The following RABGAP1L variants were observed in gnomAD, a reference collection of about 807,000 sequenced individuals.
RABGAP1L encodes the protein RAB GTPase activating protein 1 like.
In RABGAP1L, 63 loss-of-function variants were observed where a neutral mutation model predicts 137.7. That is an observed-to-expected ratio of 0.46 (90% CI 0.37 to 0.56). RABGAP1L has a LOEUF of 0.56. Among genes scored for constraint, RABGAP1L ranks in the 20% least tolerant of loss-of-function variants. RABGAP1L has a pLI of 0.00. For missense variants in RABGAP1L, 1,095 were observed against 1,244.0 expected (o/e 0.88, Z 1.80); for synonymous variants, 431 against 433.7 (o/e 0.99, Z 0.08).
At chr1:174,906,931 T>C (rs1558217257) in intron 19 of RABGAP1L, among the ~76,000 whole-genome samples, 1 of 151,888 alleles carries the variant, frequency 6.6e-6, no homozygotes, top group Non-Finnish European at 1.5e-5. Flanking sequence ...AAGAATACTG[T>C]ACCCAGAAAA....
intron 13 of RABGAP1L, among the ~76,000 whole-genome samples, chr1:174,541,789 GTT>G (rs1198296380): frequency 1.3e-5 from 2 of 151,758 alleles, no homozygotes; most frequent in Admixed American, 1.3e-4. Flanking sequence ...AAAAAAAAAA[GTT>G]TTTAGCGTGA....
intron 10 of RABGAP1L, among the ~76,000 whole-genome samples, chr1:174,303,079 G>A (rs1020054569): frequency 6.6e-6 from 1 of 151,336 alleles, no homozygotes; most frequent in Non-Finnish European, 1.5e-5. Context: ...TAGCATTGGC[G>A]TTCTTTAGTG....
At chr1:174,293,086 A>G (rs1468275956) in intron 10 of RABGAP1L, among the ~76,000 whole-genome samples, 2 of 150,944 alleles carry the variant, frequency 1.3e-5, no homozygotes, top group Non-Finnish European at 2.9e-5. Flanking sequence ...GTGGAAAATT[A>G]TGATAATCTA....
At chr1:174,539,122 A>T (rs530200757) in intron 13 of RABGAP1L, among the ~76,000 whole-genome samples, 1 of 152,214 alleles carries the variant, frequency 6.6e-6, no homozygotes, top group Non-Finnish European at 1.5e-5. Context: ...AGAATAAATT[A>T]CCTAATACTG....
intron 14 of RABGAP1L, among the ~76,000 whole-genome samples, chr1:174,658,639 A>G (rs1239176600): frequency 1.3e-5 from 2 of 152,026 alleles, no homozygotes; most frequent in Non-Finnish European, 2.9e-5. Context: ...CTTGTCATAC[A>G]TTGATTCTCC....
At chr1:174,446,946 T>C (rs768283013) in intron 13 of RABGAP1L, among the ~76,000 whole-genome samples, 8 of 152,196 alleles carry the variant, frequency 5.3e-5, no homozygotes, top group Non-Finnish European at 1.0e-4. Context: ...TCGGAGTATA[T>C]TGGAAAGTTT....
At position 174,293,718 on chromosome 1, in the gene RABGAP1L, G is replaced by A. The variant is rs528745730; in HGVS notation, c.1324-11268G>A. Among the ~76,000 whole-genome samples the A allele has an allele frequency of 1.1e-3, 170 of 152,108 alleles. 1 individual carries two copies. The highest frequency in any genetic ancestry group is 2.0e-3 in the Non-Finnish European group (139 of 67,970). On this transcript the variant is annotated intron_variant, in intron 10 of 25. Transcript: ENST00000681986. ...CACTTACAATTTCACTGAGATGCCG[G>A]TATTCATTTTAGAAATGATTTTCAA...
intron 10 of RABGAP1L, among the ~76,000 whole-genome samples, chr1:174,300,258 G>A (rs1677542687): frequency 6.6e-6 from 1 of 152,288 alleles, no homozygotes; most frequent in Middle Eastern, 3.4e-3. Context: ...GGGAGTGGTG[G>A]CTCATGCCTG....
At chr1:174,891,775 G>A (rs957484580) in intron 19 of RABGAP1L, among the ~76,000 whole-genome samples, 1 of 152,136 alleles carries the variant, frequency 6.6e-6, no homozygotes, top group African/African-American at 2.4e-5. Context: ...AAAGTGCTGG[G>A]ATTATAGGTG....
intron 13 of RABGAP1L, among the ~76,000 whole-genome samples, chr1:174,620,826 A>G (rs1273712866): frequency 3.3e-5 from 5 of 152,210 alleles, no homozygotes; most frequent in Non-Finnish European, 5.9e-5. Flanking sequence ...AAACCCTTCA[A>G]AAAATCAATG....
At chr1:174,560,991 T>C (rs1318376826) in intron 13 of RABGAP1L, among the ~76,000 whole-genome samples, 1 of 152,200 alleles carries the variant, frequency 6.6e-6, no homozygotes, top group Non-Finnish European at 1.5e-5. Context: ...GAGTTACTTA[T>C]GTGTGTAAAT....
intron 19 of RABGAP1L, among the ~76,000 whole-genome samples, chr1:174,933,866 A>G (rs1218894163): frequency 6.6e-6 from 1 of 152,146 alleles, no homozygotes; most frequent in South Asian, 2.1e-4. Flanking sequence ...GTCCTCCCAT[A>G]TGGATCAAGA....
At chr1:174,773,183 T>TGTGTGTGTGTGTGTGTG (rs1558063939) in intron 18 of RABGAP1L, among the ~76,000 whole-genome samples, 6 of 145,664 alleles carry the variant, frequency 4.1e-5, no homozygotes, top group Non-Finnish European at 3.1e-5. Flanking sequence ...TGTGTGTGTG[T>TGTGTGTGTGTGTGTGTG]TTATTTTAAA....
chr1:174,947,197 G>A (rs946919177), intron 19 of RABGAP1L, among the ~76,000 whole-genome samples: 16 of 142,640 alleles, frequency 1.1e-4, no homozygotes, highest in African/African-American at 3.9e-4. Flanking sequence ...AAATGCAAGC[G>A]TGTTTAATTT....
chr1:174,346,459 T>C (rs1391604985), intron 11 of RABGAP1L, among the ~76,000 whole-genome samples: 2 of 152,188 alleles, frequency 1.3e-5, no homozygotes, highest in African/African-American at 2.4e-5. Flanking sequence ...TTCTTCATGG[T>C]TCTATCTTGG....
chr1:174,747,889 T>C (rs1401408905), intron 17 of RABGAP1L, among the ~76,000 whole-genome samples: 1 of 151,524 alleles, frequency 6.6e-6, no homozygotes, highest in Non-Finnish European at 1.5e-5. Context: ...TTTTTTAATA[T>C]ATGTCTTCAT....
chr1:174,814,530 A>G (rs1418731795), intron 19 of RABGAP1L, among the ~76,000 whole-genome samples: 1 of 152,166 alleles, frequency 6.6e-6, no homozygotes, highest in Non-Finnish European at 1.5e-5. Context: ...ACTAGAATGT[A>G]GGTCTCCAAT....
chr1:174,305,820 G>T (rs998427228), intron 11 of RABGAP1L, among the ~76,000 whole-genome samples: 22 of 151,568 alleles, frequency 1.5e-4, no homozygotes, highest in African/African-American at 5.3e-4. Flanking sequence ...CAACGTGCAG[G>T]TTTGTTACAT....
At chr1:174,356,661 G>T (rs1297789943) in intron 11 of RABGAP1L, among the ~76,000 whole-genome samples, 1 of 151,364 alleles carries the variant, frequency 6.6e-6, no homozygotes, top group Non-Finnish European at 1.5e-5. Flanking sequence ...TATTTATTTT[G>T]TTTGATCTAA....
Sources: gnomAD v4.1 joint callset for allele counts (sites outside exome capture counted in the v4.1 genomes callset) on GRCh38, gnomAD v4.1.1 for gene constraint, MANE v1.5 for transcripts, NCBI Gene and HGNC (gene_info 2026-07-23, HGNC 2026-07-21) for gene names.